The following MIDEAS variants were observed in gnomAD, a reference collection of about 807,000 sequenced individuals.
MIDEAS encodes the protein mitotic deacetylase associated SANT domain protein, also known as mitotic deacetylase-associated SANT domain protein.
Under a neutral mutation model 102.7 loss-of-function variants are expected in MIDEAS, and 26 were observed. The ratio of observed to expected loss-of-function variants is 0.25; its 90% CI spans 0.19 to 0.35. MIDEAS has a LOEUF of 0.35. MIDEAS is among the 10% of genes least tolerant of loss of function. MIDEAS has a pLI of 1.00. For synonymous variants in MIDEAS, 585 were observed against 591.0 expected (o/e 0.99, Z 0.15); for missense variants, 1,231 against 1,435.6 (o/e 0.86, Z 2.30).
At chr14:73,745,270 C>T (rs1240024701) in intron 1 of MIDEAS, among the ~76,000 whole-genome samples, 1 of 152,236 alleles carries the variant, frequency 6.6e-6, no homozygotes, top group Non-Finnish European at 1.5e-5. Context: ...TGCTGGCCCA[C>T]AAGCCACCTG....
chr14:73,783,325 T>A (rs2053773074), intron 1 of MIDEAS, among the ~76,000 whole-genome samples: 1 of 152,112 alleles, frequency 6.6e-6, no homozygotes, highest in Non-Finnish European at 1.5e-5. Flanking sequence ...GGAGCAGGAC[T>A]GAGCCAAGCG....
At chr14:73,755,215 G>T (rs944071918) in intron 1 of MIDEAS, among the ~76,000 whole-genome samples, 1 of 152,126 alleles carries the variant, frequency 6.6e-6, no homozygotes, top group Admixed American at 6.5e-5. Flanking sequence ...CAGCAAGGGC[G>T]GCTGCCAGGG....
upstream of MIDEAS, among the ~76,000 whole-genome samples, chr14:73,765,258 A>G (rs911246522): frequency 5.3e-5 from 8 of 152,220 alleles, no homozygotes; most frequent in East Asian, 1.9e-4. Context: ...ACAAATACTG[A>G]TACATCATGG....
chr14:73,730,059 G>A (rs1383508921), intron 3 of MIDEAS, 74 bp from the exon 4 acceptor site: 1 of 1,457,654 alleles, frequency 6.9e-7, no homozygotes, highest in Non-Finnish European at 9.5e-7. Context: ...ACCACAGCTT[G>A]CCAGTCTCAC....
chr14:73,763,240 A>T (rs1290741089), upstream of MIDEAS, among the ~76,000 whole-genome samples: 4 of 152,208 alleles, frequency 2.6e-5, no homozygotes, highest in South Asian at 2.1e-4. Flanking sequence ...CAAGAGGCTG[A>T]GGTAGGAGGA....
upstream of MIDEAS, among the ~76,000 whole-genome samples, chr14:73,763,394 T>G (rs1025232909): frequency 1.3e-5 from 2 of 152,142 alleles, no homozygotes; most frequent in African/African-American, 4.8e-5. Context: ...TATATCTCAA[T>G]AAAGCTGTTA....
rs1482571748 is a variant in MIDEAS, at chr14:73,739,407, A to G, written c.602T>C (p.Phe201Ser). The G allele has an allele frequency of 6.3e-7, 1 of 1,580,164 alleles. No individual in the cohort carries two copies. The highest frequency in any genetic ancestry group is 2.2e-5 in the East Asian group (1 of 44,576). Residue 201 changes from phenylalanine to serine, a missense_variant, in exon 2 of 13, where the codon TTC becomes TCC. Phe to Ser is a radical substitution (Grantham distance 155). Around this residue, in one of 5 missense-constraint regions of MIDEAS, gnomAD observed 758 missense variants for 856.0 expected, o/e 0.89. Transcript: ENST00000423556. ...VGRPQAPLNSFHAAKKPPNQS... is the reference protein window; with the variant it reads ...VGRPQAPLNSSHAAKKPPNQS... ...GTTTGGGGGTTTCTTGGCTGCGTGG[A>G]AAGAATTCAGGGGTGCCTGGGGCCG...
chr14:73,741,185 CAGA>C lies in MIDEAS; in HGVS notation c.-247-933_-247-931del, dbSNP rs146631266. On this transcript the variant is annotated intron_variant, in intron 1 of 12. Transcript: ENST00000423556. ...GGTGCAGATTGCTAGAACTCAGTTC[CAGA>C]AGGTTTCTCCACGATAATGTCATGA... is the stretch of plus-strand genomic sequence containing the variant. 5.3e-3 allele frequency among the ~76,000 whole-genome samples: 801 copies of C among 152,336 alleles called. 4 individuals are homozygous for C. Among genetic ancestry groups the C allele is most frequent in the African/African-American group, 0.019 (772 of 41,582 alleles).
At position 73,738,676 on chromosome 14, in the gene MIDEAS, C is replaced by A. The variant is rs747094663; in HGVS notation, c.1333G>T (p.Val445Leu). Residue 445 changes from valine to leucine, a missense_variant, in exon 2 of 13, where the codon GTG becomes TTG. This residue lies in a region of MIDEAS where 758 missense variants were observed against 856.0 expected (regional missense o/e 0.89). Coordinates refer to ENST00000423556, the MANE Select transcript of MIDEAS (RefSeq NM_001367710.1). ...CTCTGGATCACTCCGCCCCGTAGCA[C>A]CTGCCCACAGTCCCCTGTGCTCACT... The part of the protein sequence containing the change: ...RAVSTGDCGQ[V>L]LRGGVIQSTR... The A allele has an allele frequency of 6.2e-7, 1 of 1,613,930 alleles. No homozygotes were observed.
At position 73,721,438 on chromosome 14, in the gene MIDEAS, C is replaced by T; in HGVS notation, c.2796G>A (p.Lys932=). The T allele has an allele frequency of 1.2e-6, 2 of 1,614,160 alleles. No homozygotes were observed. Among genetic ancestry groups the T allele is most frequent in the Non-Finnish European group, 1.7e-6 (2 of 1,180,020 alleles). Residue 932 remains lysine (K), a synonymous_variant, in exon 11 of 13, where the codon AAG becomes AAA. Coordinates refer to ENST00000423556, the MANE Select transcript of MIDEAS (RefSeq NM_001367710.1). ...ESPSEERLEP[K]REVKEPRKEG... ...CCTTCCTGGGCTCCTTCACCTCCCT[C>T]TTGGGCTCCAGCCTCTCTTCACTTG...
Position 73,719,008 on chromosome 14 carries a change from C to T in MIDEAS, c.3135G>A (p.Arg1045=), listed in dbSNP as rs777108026. The change falls in exon 13 of 13, where the codon AGG becomes AGA. Residue 1045 remains arginine, a splice_region_variant and synonymous_variant. Transcript: ENST00000423556. ...TGCGGCTCTTCACCTTGTAAAACACCCTGCAGCCGGGTGGGGGTTGCTCAG... is the reference window on the plus strand; with the variant it reads ...TGCGGCTCTTCACCTTGTAAAACACTCTGCAGCCGGGTGGGGGTTGCTCAG... ...ENTFPCKKCG[R]VFYKVKSRSA... is the part of the protein sequence containing the mutation. 1 of 1,476,856 alleles carries T rather than the reference C, an allele frequency of 6.8e-7. No individual in the cohort carries two copies. The highest frequency in any genetic ancestry group is 1.4e-5 in the South Asian group (1 of 73,664). 91.5% of individuals were successfully genotyped at this position (1,476,856 alleles called of 1,614,324 possible).
chr14:73,736,548 G>A (rs2053202374), intron 3 of MIDEAS, among the ~76,000 whole-genome samples: 1 of 151,610 alleles, frequency 6.6e-6, no homozygotes, highest in Non-Finnish European at 1.5e-5. Context: ...GGAGAATGGT[G>A]TGAACCCAGG....
upstream of MIDEAS, chr14:73,787,417 C>T (rs899472450): frequency 4.6e-5 from 7 of 152,148 alleles, no homozygotes; most frequent in Middle Eastern, 3.2e-3. Flanking sequence ...CCTGCACCCC[C>T]CGCCCTGGGA....
At chr14:73,722,068 ATG>A (rs1333787720) in intron 10 of MIDEAS, among the ~76,000 whole-genome samples, 2 of 152,166 alleles carry the variant, frequency 1.3e-5, no homozygotes, top group Non-Finnish European at 2.9e-5. Context: ...GTTGCTGCTA[ATG>A]TGTCTTTTAT....
chr14:73,750,313 C>T (rs2053405222), intron 1 of MIDEAS, among the ~76,000 whole-genome samples: 1 of 152,316 alleles, frequency 6.6e-6, no homozygotes, highest in Admixed American at 6.5e-5. Context: ...CTGAAATCTA[C>T]ACCGGTGGGC....
At chr14:73,787,184 G>C (rs1254337767) in exon 1 of MIDEAS, 1 of 149,580 alleles carries the variant, frequency 6.7e-6, no homozygotes, top group Non-Finnish European at 1.5e-5. Flanking sequence ...TGTTGCTCTC[G>C]GGACGGCGCA....
intron 10 of MIDEAS, 166 bp downstream of exon 10, chr14:73,722,532 G>T: frequency 1.5e-6 from 1 of 669,508 alleles, no homozygotes. Context: ...CAGCAGTATA[G>T]AGAGGAGAAC....
intron 5 of MIDEAS, chr14:73,727,257 G>A (rs572422635): frequency 5.4e-5 from 35 of 648,260 alleles, no homozygotes; most frequent in Middle Eastern, 4.1e-4. Flanking sequence ...AAGCTGAGCC[G>A]GTCCTTGCCC....
At position 73,770,339 on chromosome 14, in the gene MIDEAS, A is replaced by G. The variant is rs533411908; in HGVS notation, c.-248+16763T>C. Among the ~76,000 whole-genome samples the G allele has an allele frequency of 2.0e-5, 3 of 149,072 alleles. No homozygotes were observed. The South Asian group carries it at 6.7e-4, about 33-fold the overall frequency. ...TGATCAAGATGATTTATATAACAGTAACGACGGTGATGATGATGATGACGA... is the reference window on the plus strand; with the variant it reads ...TGATCAAGATGATTTATATAACAGTGACGACGGTGATGATGATGATGACGA... On this transcript the variant is annotated intron_variant, in intron 1 of 11. Transcript: ENST00000394071.
Sources: allele counts gnomAD v4.1 joint callset (sites outside exome capture counted in the v4.1 genomes callset), GRCh38; gene constraint gnomAD v4.1.1; regional missense constraint gnomAD v4.1.1; transcripts MANE v1.5; gene names NCBI Gene and HGNC (gene_info 2026-07-23, HGNC 2026-07-21).